Variants in DPYSL3 observed in about 807,000 individuals in gnomAD.
DPYSL3 encodes the protein dihydropyrimidinase like 3, also known as dihydropyrimidinase-related protein 3.
Under a neutral mutation model 66.1 loss-of-function variants are expected in DPYSL3, and 16 were observed. The observed-to-expected ratio is 0.24, with a 90% confidence interval of 0.16 to 0.37. The LOEUF (loss-of-function observed/expected upper bound fraction) is 0.37. Among genes scored for constraint, DPYSL3 ranks in the 10% least tolerant of loss-of-function variants. The pLI, the probability that DPYSL3 is intolerant of heterozygous loss-of-function variation, is 1.00. For synonymous variants in DPYSL3, 338 were observed against 345.1 expected (o/e 0.98, Z 0.23); for missense variants, 738 against 916.2 (o/e 0.81, Z 2.51).
At chr5:147,435,404 T>A (rs565443787) in intron 1 of DPYSL3, among the ~76,000 whole-genome samples, 40 of 152,324 alleles carry the variant, frequency 2.6e-4, no homozygotes, top group African/African-American at 9.1e-4. Context: ...GATGAAGACA[T>A]GGAAGCTTAG....
At chr5:147,462,876 C>T (rs1752954700) in intron 1 of DPYSL3, among the ~76,000 whole-genome samples, 1 of 152,066 alleles carries the variant, frequency 6.6e-6, no homozygotes, top group Non-Finnish European at 1.5e-5. Context: ...GACTCTGGAA[C>T]CAGAAAATTA....
chr5:147,487,891 C>G (rs1209128653), intron 1 of DPYSL3, among the ~76,000 whole-genome samples: 1 of 152,148 alleles, frequency 6.6e-6, no homozygotes, highest in Non-Finnish European at 1.5e-5. Flanking sequence ...CCTGGAATCT[C>G]ACTAAAAAGT....
intron 1 of DPYSL3, chr5:147,453,648 G>C (rs950574003): frequency 2.7e-6 from 4 of 1,503,958 alleles, no homozygotes; most frequent in Non-Finnish European, 3.6e-6. Context: ...CGGCTCGCCC[G>C]CGCCTTCCTC....
intron 1 of DPYSL3, among the ~76,000 whole-genome samples, chr5:147,471,309 A>C (rs1319377035): frequency 3.0e-4 from 45 of 152,298 alleles, no homozygotes; most frequent in Admixed American, 2.7e-3. Context: ...TGAGAAAAAA[A>C]AAGAGCAATG....
rs555761451 is a variant in DPYSL3, at chr5:147,393,773, C to G, written c.*262G>C. ...CACTATGATAGAGCAGACTCTTTTA[C>G]CTTAGTGGCCTGTCTGATTGCATGC... On this transcript the variant is annotated 3_prime_UTR_variant, in exon 14 of 14. Coordinates refer to ENST00000343218, the MANE Select transcript of DPYSL3 (RefSeq NM_001197294.2). 2.5e-5 allele frequency: 12 copies of G among 478,446 alleles called. No individual in the cohort carries two copies. Among genetic ancestry groups the G allele is most frequent in the African/African-American group, 2.3e-4 (12 of 51,246 alleles). 29.6% of individuals were successfully genotyped at this position (478,446 alleles called of 1,614,324 possible). A position where few individuals can be genotyped will look rare whatever the true frequency, so the allele number is the denominator to read the frequency against.
At chr5:147,498,199 A>G (rs548543854) in intron 1 of DPYSL3, among the ~76,000 whole-genome samples, 2 of 151,982 alleles carry the variant, frequency 1.3e-5, no homozygotes, top group East Asian at 3.9e-4. Context: ...TTCATTTTCT[A>G]TTCCCGCATT....
At chr5:147,417,075 T>A (rs886443096) in intron 3 of DPYSL3, among the ~76,000 whole-genome samples, 17 of 152,222 alleles carry the variant, frequency 1.1e-4, no homozygotes, top group African/African-American at 4.1e-4. Flanking sequence ...TCTTTTTGCA[T>A]CTCTAGGTTT....
At chr5:147,485,607 G>A (rs1487627408) in intron 1 of DPYSL3, among the ~76,000 whole-genome samples, 1 of 152,174 alleles carries the variant, frequency 6.6e-6, no homozygotes, top group Admixed American at 6.5e-5. Flanking sequence ...TTATGCAGCA[G>A]AGAAATTTAA....
At chr5:147,442,175 C>T (rs543279288) in intron 1 of DPYSL3, among the ~76,000 whole-genome samples, 1 of 152,282 alleles carries the variant, frequency 6.6e-6, no homozygotes, top group African/African-American at 2.4e-5. Context: ...AAAACAAACA[C>T]ACATACACAC....
chr5:147,437,008 A>G (rs1288735744), intron 1 of DPYSL3, among the ~76,000 whole-genome samples: 1 of 152,232 alleles, frequency 6.6e-6, no homozygotes, highest in Non-Finnish European at 1.5e-5. Context: ...GGCTTGAGTT[A>G]ATGCCACGCT....
At chr5:147,443,528 G>A (rs937480076) in intron 1 of DPYSL3, among the ~76,000 whole-genome samples, 4 of 151,900 alleles carry the variant, frequency 2.6e-5, no homozygotes, top group Non-Finnish European at 4.4e-5. Flanking sequence ...GTCAATAGGT[G>A]CAGCCAACCA....
chr5:147,457,186 T>C (rs2126405401), intron 1 of DPYSL3, among the ~76,000 whole-genome samples: 1 of 152,334 alleles, frequency 6.6e-6, no homozygotes, highest in East Asian at 1.9e-4. Context: ...TATTATATAA[T>C]AATAACGCAT....
At chr5:147,481,384 A>G (rs1214743106) in intron 1 of DPYSL3, among the ~76,000 whole-genome samples, 1 of 152,228 alleles carries the variant, frequency 6.6e-6, no homozygotes, top group East Asian at 1.9e-4. Context: ...ATTACTTACA[A>G]TCTAACAAAT....
At chr5:147,429,862 G>C (rs1752275769) in intron 1 of DPYSL3, among the ~76,000 whole-genome samples, 1 of 152,128 alleles carries the variant, frequency 6.6e-6, no homozygotes, top group African/African-American at 2.4e-5. Context: ...GGTAGCTTTA[G>C]GAATTCAGTA....
chr5:147,462,900 A>G (rs1039873316), intron 1 of DPYSL3, among the ~76,000 whole-genome samples: 1 of 152,076 alleles, frequency 6.6e-6, no homozygotes, highest in Admixed American at 6.5e-5. Context: ...ACTATCTGAA[A>G]AAGAGTTCCT....
chr5:147,435,751 C>T (rs1335655891), intron 1 of DPYSL3, among the ~76,000 whole-genome samples: 1 of 152,102 alleles, frequency 6.6e-6, no homozygotes, highest in African/African-American at 2.4e-5. Flanking sequence ...TAAGAAAAGA[C>T]CTTTAGCATG....
intron 1 of DPYSL3, among the ~76,000 whole-genome samples, chr5:147,494,362 G>T (rs764060409): frequency 4.6e-5 from 7 of 151,908 alleles, no homozygotes; most frequent in Non-Finnish European, 8.8e-5. Flanking sequence ...CTTTTTAAAT[G>T]ATAGATAAAT....
rs1218601453 is a variant in DPYSL3, at chr5:147,488,026, T to A, written c.381+21452A>T. ...GTGTGAAAAACCATTATTCACTAAC[T>A]GTTTTTTTCCTTCTCACTTAATATC... On this transcript the variant is annotated intron_variant, in intron 1 of 13. Transcript: ENST00000343218. Among the ~76,000 whole-genome samples the A allele has an allele frequency of 2.0e-5, 3 of 152,256 alleles. No homozygotes were observed. In the East Asian group the frequency reaches 5.8e-4, roughly 29 times the overall value.
rs566152660 is a variant in DPYSL3, at chr5:147,411,939, C to A, written c.963+669G>T. Among the ~76,000 whole-genome samples the A allele has an allele frequency of 2.2e-3, 334 of 152,146 alleles. 1 individual carries two copies. Among genetic ancestry groups the A allele is most frequent in the Non-Finnish European group, 3.7e-3 (252 of 67,964 alleles). On this transcript the variant is annotated intron_variant, in intron 6 of 13. Coordinates refer to ENST00000343218, the MANE Select transcript of DPYSL3 (RefSeq NM_001197294.2). ...GCTCACTCTTTTTTTTTCGGGCTGT[C>A]TCCTCCTAGCAAAGGCCAATCTTGA...
Sources: gnomAD v4.1 joint callset for allele counts (sites outside exome capture counted in the v4.1 genomes callset) on GRCh38, gnomAD v4.1.1 for gene constraint, MANE v1.5 for transcripts, NCBI Gene and HGNC (gene_info 2026-07-23, HGNC 2026-07-21) for gene names.